Variants in LRMDA observed in about 807,000 individuals in gnomAD.
The protein encoded by LRMDA is leucine rich melanocyte differentiation associated, also known as leucine-rich melanocyte differentiation-associated protein.
A neutral mutation model predicts 29.8 loss-of-function variants in LRMDA; 18 were observed. The ratio of observed to expected loss-of-function variants is 0.60; its 90% CI spans 0.42 to 0.90. The LOEUF is 0.90. LRMDA is among the 40% of genes least tolerant of loss of function. The probability of loss-of-function intolerance (pLI) is 0.00; values close to 1 mark genes in which losing one functional copy is unlikely to be tolerated. For synonymous variants in LRMDA, 125 were observed against 109.4 expected, an observed-to-expected ratio of 1.14 and a Z score of -0.89; for missense variants, 273 against 273.9, an observed-to-expected ratio of 1.00 and a Z score of 0.02.
intron 2 of LRMDA, among the ~76,000 whole-genome samples, chr10:75,866,241 G>T (rs1396865175): frequency 1.3e-5 from 2 of 152,128 alleles, no homozygotes; most frequent in Non-Finnish European, 2.9e-5. Flanking sequence ...GGCCACCCAT[G>T]GCTCTGTGAG....
intron 2 of LRMDA, among the ~76,000 whole-genome samples, chr10:75,738,337 T>A (rs1842790414): frequency 6.6e-6 from 1 of 152,108 alleles, no homozygotes; most frequent in Admixed American, 6.5e-5. Flanking sequence ...TTGAGTCACA[T>A]TCTCTCTCTG....
chr10:76,212,511 C>T (rs1247549532), intron 5 of LRMDA, among the ~76,000 whole-genome samples: 2 of 152,014 alleles, frequency 1.3e-5, no homozygotes, highest in African/African-American at 4.8e-5. Context: ...TTCATTCACA[C>T]CCCAATAAAA....
intron 6 of LRMDA, among the ~76,000 whole-genome samples, chr10:76,354,857 A>G (rs1314262985): frequency 6.6e-6 from 1 of 152,168 alleles, no homozygotes; most frequent in African/African-American, 2.4e-5. Flanking sequence ...GAGATATAAA[A>G]TAAATTATTT....
chr10:76,229,046 T>C (rs1001624047), intron 5 of LRMDA, among the ~76,000 whole-genome samples: 9 of 152,230 alleles, frequency 5.9e-5, no homozygotes, highest in Non-Finnish European at 1.2e-4. Context: ...CTATGAAGGA[T>C]AAATGCAATC....
At chr10:76,217,582 G>A (rs911240366) in intron 5 of LRMDA, among the ~76,000 whole-genome samples, 1 of 152,152 alleles carries the variant, frequency 6.6e-6, no homozygotes, top group Non-Finnish European at 1.5e-5. Context: ...GACCAGGAGG[G>A]TACTCACACT....
At chr10:76,211,259 G>T (rs998253396) in intron 5 of LRMDA, among the ~76,000 whole-genome samples, 1 of 152,222 alleles carries the variant, frequency 6.6e-6, no homozygotes, top group East Asian at 1.9e-4. Flanking sequence ...GACTGCACTT[G>T]TCATTGGTGC....
At chr10:75,642,598 G>A (rs1841468134) in intron 2 of LRMDA, 1 of 152,206 alleles carries the variant, frequency 6.6e-6, no homozygotes, top group African/African-American at 2.4e-5. Flanking sequence ...GGTTTTCCCA[G>A]TCTGAAGGGC....
At chr10:76,041,511 T>C (rs1848337625) in intron 3 of LRMDA, among the ~76,000 whole-genome samples, 1 of 152,182 alleles carries the variant, frequency 6.6e-6, no homozygotes, top group Non-Finnish European at 1.5e-5. Context: ...TATTTAGTAT[T>C]CAAAAACCCA....
rs550649708 is a variant in LRMDA at position 75,709,137 on chromosome 10, A to T, written c.131+270643A>T. ...TTCATGATCTTACTTTTAACTGAACATAACAATTCTATGTTAAATGTTTTC... is the reference window on the plus strand; with the variant it reads ...TTCATGATCTTACTTTTAACTGAACTTAACAATTCTATGTTAAATGTTTTC... On this transcript the variant is annotated intron_variant, in intron 2 of 6. Coordinates refer to ENST00000611255, the MANE Select transcript of LRMDA (RefSeq NM_001305581.2). 4.1e-4 allele frequency among the ~76,000 whole-genome samples: 62 copies of T among 152,300 alleles called. 1 individual carries two copies. Among genetic ancestry groups the T allele is most frequent in the African/African-American group, 1.4e-3 (60 of 41,540 alleles).
chr10:75,483,885 T>C (rs1323784533), intron 2 of LRMDA, among the ~76,000 whole-genome samples: 2 of 149,984 alleles, frequency 1.3e-5, no homozygotes, highest in Non-Finnish European at 3.0e-5. Flanking sequence ...TTTTTAATGA[T>C]TTTTCAGGTA....
intron 5 of LRMDA, among the ~76,000 whole-genome samples, chr10:76,224,998 G>T (rs568759436): frequency 5.6e-4 from 85 of 152,038 alleles, no homozygotes; most frequent in African/African-American, 1.9e-3. Context: ...TTGAAGTAAA[G>T]TCCCAGCTAG....
At chr10:75,995,298 G>C (rs1306631629) in intron 2 of LRMDA, among the ~76,000 whole-genome samples, 1 of 152,164 alleles carries the variant, frequency 6.6e-6, no homozygotes, top group Non-Finnish European at 1.5e-5. Flanking sequence ...GAGGAAGGTG[G>C]AGTTTCCAGT....
chr10:75,779,161 A>C (rs1034619025), intron 2 of LRMDA, among the ~76,000 whole-genome samples: 5 of 152,108 alleles, frequency 3.3e-5, no homozygotes, highest in Admixed American at 6.5e-5. Context: ...ATGACTCTAA[A>C]ATCTTGTGCT....
intron 6 of LRMDA, among the ~76,000 whole-genome samples, chr10:76,432,735 C>T (rs1433182776): frequency 2.6e-5 from 4 of 152,212 alleles, no homozygotes; most frequent in Non-Finnish European, 5.9e-5. Flanking sequence ...TTATCACTGG[C>T]TCATGTCACT....
intron 4 of LRMDA, among the ~76,000 whole-genome samples, chr10:76,054,730 A>G (rs1848582031): frequency 6.6e-6 from 1 of 150,878 alleles, no homozygotes; most frequent in African/African-American, 2.4e-5. Flanking sequence ...CTTTTCTGCT[A>G]CAAGCAGAAG....
chr10:75,983,916 A>G (rs1182859840), intron 2 of LRMDA, among the ~76,000 whole-genome samples: 1 of 152,060 alleles, frequency 6.6e-6, no homozygotes, highest in Non-Finnish European at 1.5e-5. Flanking sequence ...TGGCCTCCCA[A>G]AGTGCTGGGA....
chr10:76,460,673 C>T (rs1170784195), intron 6 of LRMDA, among the ~76,000 whole-genome samples: 5 of 152,196 alleles, frequency 3.3e-5, no homozygotes, highest in Non-Finnish European at 7.3e-5. Context: ...AGAAGTGTAA[C>T]TTGAATAGTG....
chr10:75,768,796 A>T (rs74336705), intron 2 of LRMDA, among the ~76,000 whole-genome samples: 2,172 of 152,292 alleles, frequency 0.014, 53 homozygotes, highest in African/African-American at 0.05. Context: ...ATTGTATGTG[A>T]GTCTGTGTGT....
chr10:75,942,208 TGTG>T (rs1846403640), intron 2 of LRMDA, among the ~76,000 whole-genome samples: 1 of 152,082 alleles, frequency 6.6e-6, no homozygotes, highest in Admixed American at 6.6e-5. Context: ...ATCATACAAA[TGTG>T]GTGATGTGTT....
Sources: gnomAD v4.1 joint callset for allele counts (sites outside exome capture counted in the v4.1 genomes callset) on GRCh38, gnomAD v4.1.1 for gene constraint, MANE v1.5 for transcripts, NCBI Gene and HGNC (gene_info 2026-07-23, HGNC 2026-07-21) for gene names.